Variants in EZH2 observed in about 807,000 individuals in gnomAD.
The protein encoded by EZH2 is enhancer of zeste 2 polycomb repressive complex 2 subunit.
In EZH2, 18 loss-of-function variants were observed where a neutral mutation model predicts 98.4. The observed-to-expected ratio is 0.18, with a 90% CI of 0.13 to 0.27. The LOEUF is 0.27. Ranked by LOEUF, EZH2 falls within the 10% of genes least tolerant of loss-of-function variation. The pLI, the probability that EZH2 is intolerant of heterozygous loss-of-function variation, is 1.00. For synonymous variants in EZH2, 338 were observed against 312.3 expected, an observed-to-expected ratio of 1.08 and a Z score of -0.87; for missense variants, 470 against 935.1, an observed-to-expected ratio of 0.50 and a Z score of 6.49.
chr7:148,866,611 AAT>A (rs1818551998), intron 1 of EZH2, among the ~76,000 whole-genome samples: 1 of 144,158 alleles, frequency 6.9e-6, no homozygotes, highest in Non-Finnish European at 1.5e-5. Flanking sequence ...TATTATATAT[AAT>A]ATATATGCAT....
At chr7:148,827,076 C>G (rs1807930997) in intron 7 of EZH2, 88 bp downstream of exon 7, 1 of 967,402 alleles carries the variant, frequency 1.0e-6, no homozygotes, top group Admixed American at 2.3e-5. Context: ...AGTGGCTCAT[C>G]CGCTACATTG....
At chr7:148,810,552 T>C (rs1802749660) in intron 16 of EZH2, 138 bp from the exon 17 acceptor site, 4 of 548,372 alleles carry the variant, frequency 7.3e-6, no homozygotes, top group Admixed American at 2.7e-5. Context: ...CAAGTTCTCT[T>C]TCCCATTCGG....
intron 3 of EZH2, among the ~76,000 whole-genome samples, chr7:148,834,337 T>TTATATATATATATATATATATA (rs746918834): frequency 5.6e-5 from 8 of 142,752 alleles, no homozygotes; most frequent in African/African-American, 2.2e-4. Flanking sequence ...TGAAAAATCA[T>TTATATATATATATATATATATA]TATATATATA....
chr7:148,816,210 C>T (rs1166136181), intron 12 of EZH2, among the ~76,000 whole-genome samples: 1 of 152,152 alleles, frequency 6.6e-6, no homozygotes, highest in African/African-American at 2.4e-5. Context: ...AGCCTGAAAA[C>T]ATTCGCTAAG....
chr7:148,878,987 G>A (rs946724296), intron 1 of EZH2, among the ~76,000 whole-genome samples: 3 of 152,166 alleles, frequency 2.0e-5, no homozygotes, highest in African/African-American at 7.2e-5. Flanking sequence ...CACTTTGGGA[G>A]GCCGAGGCAG....
intron 8 of EZH2, among the ~76,000 whole-genome samples, chr7:148,825,767 T>C (rs1161766504): frequency 8.5e-5 from 13 of 152,102 alleles, no homozygotes; most frequent in South Asian, 2.1e-4. Context: ...AACCAAACTA[T>C]AATAAGCAAA....
chr7:148,823,995 A>G (rs1313711144), intron 8 of EZH2, among the ~76,000 whole-genome samples: 2 of 152,148 alleles, frequency 1.3e-5, no homozygotes, highest in African/African-American at 4.8e-5. Context: ...AAGAGACCAG[A>G]AAACTAAAGC....
chr7:148,857,942 G>A (rs1323057482), intron 1 of EZH2, among the ~76,000 whole-genome samples: 1 of 150,510 alleles, frequency 6.6e-6, no homozygotes, highest in African/African-American at 2.4e-5. Flanking sequence ...TTAAATAGGA[G>A]AAACAAAAAA....
chr7:148,864,742 T>C (rs1818195088), intron 1 of EZH2, among the ~76,000 whole-genome samples: 1 of 150,778 alleles, frequency 6.6e-6, no homozygotes, highest in African/African-American at 2.4e-5. Context: ...TTGAAAACTA[T>C]ACTAAATCGA....
intron 1 of EZH2, among the ~76,000 whole-genome samples, chr7:148,848,051 C>CA (rs1307384206): frequency 6.6e-6 from 1 of 152,212 alleles, no homozygotes; most frequent in Non-Finnish European, 1.5e-5. Context: ...GCAGAGTCCT[C>CA]ACCTTAAGTC....
In EZH2 at chr7:148,807,500, T is replaced by A. The variant is rs928168090; in HGVS notation, c.*146A>T. On this transcript the variant is annotated 3_prime_UTR_variant, in exon 20 of 20. Coordinates refer to ENST00000320356, the MANE Select transcript of EZH2 (RefSeq NM_004456.5). ...GAGAAGGCAATAAAAAGTTGATTTT[T>A]AAACTCATTACTATAAATTATTCTT... 1.5e-6 allele frequency: 1 copy of A among 683,176 alleles called. No homozygotes were observed. 42.3% of individuals were successfully genotyped at this position (683,176 alleles called of 1,614,324 possible).
At chr7:148,879,986 G>GT (rs1317116370) in intron 1 of EZH2, among the ~76,000 whole-genome samples, 1 of 152,198 alleles carries the variant, frequency 6.6e-6, no homozygotes, top group Non-Finnish European at 1.5e-5. Flanking sequence ...GTGTGCACTG[G>GT]TAATACCAGT....
At chr7:148,828,416 C>T (rs1444669498) in intron 6 of EZH2, among the ~76,000 whole-genome samples, 3 of 152,136 alleles carry the variant, frequency 2.0e-5, no homozygotes, top group African/African-American at 7.2e-5. Flanking sequence ...CAGCTCAATG[C>T]AGCCTACACC....
intron 3 of EZH2, among the ~76,000 whole-genome samples, chr7:148,838,854 A>G (rs1585094392): frequency 6.6e-6 from 1 of 152,112 alleles, no homozygotes; most frequent in Non-Finnish European, 1.5e-5. Context: ...GGAGTTCAAG[A>G]CCAGCCTAGC....
At chr7:148,874,430 T>C (rs1042712547) in intron 1 of EZH2, among the ~76,000 whole-genome samples, 2 of 151,494 alleles carry the variant, frequency 1.3e-5, no homozygotes, top group Non-Finnish European at 2.9e-5. Context: ...TCAGAGATAA[T>C]ACTAATTCAG....
chr7:148,825,082 A>G (rs888782709), intron 8 of EZH2, among the ~76,000 whole-genome samples: 5 of 152,262 alleles, frequency 3.3e-5, no homozygotes, highest in Admixed American at 1.3e-4. Context: ...ATTAAATGCT[A>G]CATCTATAAA....
intron 1 of EZH2, among the ~76,000 whole-genome samples, chr7:148,874,554 T>A (rs1819920065): frequency 6.6e-6 from 1 of 152,142 alleles, no homozygotes. Context: ...CCTACAGTGG[T>A]GGTAAACAAC....
At chr7:148,816,650 T>G (rs753536386) in intron 12 of EZH2, 34 bp downstream of exon 12, 1 of 1,535,162 alleles carries the variant, frequency 6.5e-7, no homozygotes, top group South Asian at 1.1e-5. Context: ...TCTATCTATG[T>G]TGACTTCTCT....
rs1485789479 is a variant in EZH2 at position 148,809,450 on chromosome 7, T to A, written c.2030-60A>T. 4.3e-6 allele frequency: 6 copies of A among 1,379,936 alleles called. No individual in the cohort carries two copies. The East Asian group carries it at 1.4e-4, about 32-fold the overall frequency. 85.5% of individuals were successfully genotyped at this position (1,379,936 alleles called of 1,614,324 possible). A position where few individuals can be genotyped will look rare whatever the true frequency, so the allele number is the denominator to read the frequency against. ...AATTTCAGTTATAAGTAAACCAAGT[T>A]ATTATGATTTTGTAAATGCAACTGG... On this transcript the variant is annotated intron_variant, in intron 17 of 19. Transcript: ENST00000320356.
Sources: allele counts gnomAD v4.1 joint callset (sites outside exome capture counted in the v4.1 genomes callset), GRCh38; gene constraint gnomAD v4.1.1; transcripts MANE v1.5; gene names NCBI Gene and HGNC (gene_info 2026-07-23, HGNC 2026-07-21).